The following ATP7A variants were observed in gnomAD, a reference collection of about 807,000 sequenced individuals.
ATP7A encodes the protein copper-transporting ATPase 1.
ATP7A carries 7 observed loss-of-function variants against 83.5 expected under a neutral mutation model. That is an observed-to-expected ratio of 0.08 (90% CI 0.05 to 0.16). ATP7A has a LOEUF of 0.16. Ranked by LOEUF, ATP7A falls within the 10% of genes least tolerant of loss-of-function variation. The pLI is 1.00. For synonymous variants in ATP7A, 354 were observed against 395.2 expected (o/e 0.90, Z 1.24); for missense variants, 940 against 1,120.8 (o/e 0.84, Z 2.30).
rs781968399 is a variant in ATP7A, at chrX:78,031,404, A to T, written c.3116A>T (p.Lys1039Met). 1 of 1,208,811 alleles carries T rather than the reference A, an allele frequency of 8.3e-7. No homozygotes were observed. Among genetic ancestry groups the T allele is most frequent in the Non-Finnish European group, 1.1e-6 (1 of 892,815 alleles). The change falls in exon 16 of 23, where the codon AAG (lysine) becomes ATG (methionine). Residue 1039 changes from lysine to methionine, a missense_variant. Transcript: ENST00000341514. ...TGTATCTTAATTTTTTTACAGGTAA[A>T]GGTAGTGGTATTTGATAAGACTGGA... is the stretch of plus-strand genomic sequence containing the variant. ...GEPLEMAHKV[K>M]VVVFDKTGTI...
Position 77,989,495 on chromosome X carries a change from T to C in ATP7A, c.873T>C (p.Cys291=). 1 of 1,211,722 alleles carries C rather than the reference T, an allele frequency of 8.3e-7. No individual in the cohort carries two copies. The highest frequency in any genetic ancestry group is 1.1e-6 in the Non-Finnish European group (1 of 895,284). ...TTGATGGCATGCATTGTAAATCATG[T>C]GTGTCAAATATTGAAAGTACTTTAT... The part of the protein sequence containing the change: ...FIIDGMHCKS[C]VSNIESTLSA... The change falls in exon 4 of 23, where the codon TGT becomes TGC. Residue 291 remains cysteine, a synonymous_variant. Transcript: ENST00000341514.
At chrX:78,023,820 T>A (rs1190770069) in intron 14 of ATP7A, among the ~76,000 whole-genome samples, 1 of 112,021 alleles carries the variant, frequency 8.9e-6, no homozygotes, top group East Asian at 2.8e-4. Flanking sequence ...CCTTTATTAA[T>A]TTTTGGTTTT....
intron 1 of ATP7A, among the ~76,000 whole-genome samples, chrX:77,931,009 C>CTTTTTTTTTTTTTTTTTTTTTTTTT (rs11379657): frequency 2.1e-4 from 14 of 67,248 alleles, no homozygotes; most frequent in Non-Finnish European, 2.4e-4. Flanking sequence ...TTTTTTTTAC[C>CTTTTTTTTTTTTTTTTTTTTTTTTT]TTTTTTTTTA....
Position 78,049,449 on chromosome X carries a change from A to G in ATP7A, c.*2879A>G, listed in dbSNP as rs1489688745. On this transcript the variant is annotated 3_prime_UTR_variant, in exon 23 of 23. Transcript: ENST00000341514. ...GTCTGAAGATAACAAGGATACTTTA[A>G]TATCCAGTGCCGGTTCAGACTCACC... The G allele has an allele frequency of 8.9e-6, 1 of 112,670 alleles. No individual in the cohort carries two copies. The highest frequency in any genetic ancestry group is 1.9e-5 in the Non-Finnish European group (1 of 53,232). The allele number at this position is 112,670 out of a possible 1,213,427, so 9.3% of individuals were successfully genotyped here.
intron 13 of ATP7A, 67 bp from the exon 14 acceptor site, chrX:78,020,878 C>A: frequency 9.6e-7 from 1 of 1,047,117 alleles, no homozygotes; most frequent in Non-Finnish European, 1.3e-6. Context: ...ATATACTCTG[C>A]ATTCAGTATC....
At chrX:77,923,467 T>C (rs2077225691) in intron 1 of ATP7A, 1 of 111,757 alleles carries the variant, frequency 8.9e-6, no homozygotes, top group African/African-American at 3.2e-5. Context: ...TGTGTACATG[T>C]TGAGAAAACT....
At chrX:77,950,344 A>G (rs1557226670) in intron 1 of ATP7A, among the ~76,000 whole-genome samples, 1 of 111,640 alleles carries the variant, frequency 9.0e-6, no homozygotes, top group Non-Finnish European at 1.9e-5. Flanking sequence ...TATTTCTAAG[A>G]CGCTTGCGGT....
intron 1 of ATP7A, among the ~76,000 whole-genome samples, chrX:77,966,548 G>T (rs1399964641): frequency 1.8e-5 from 2 of 111,944 alleles, no homozygotes; most frequent in Admixed American, 1.9e-4. Flanking sequence ...GACACATATT[G>T]AATGAATCAA....
intron 1 of ATP7A, among the ~76,000 whole-genome samples, chrX:77,955,108 C>A (rs782653114): frequency 1.8e-5 from 2 of 110,474 alleles, no homozygotes; most frequent in Non-Finnish European, 3.8e-5. Context: ...TCTCAAGTCA[C>A]TCCTCTCCCC....
chrX:78,010,089 C>T (rs190216599), intron 7 of ATP7A, among the ~76,000 whole-genome samples: 159 of 112,306 alleles, frequency 1.4e-3, no homozygotes, highest in African/African-American at 5.0e-3. Context: ...AGTTAAGATC[C>T]TATTTGTATA....
intron 1 of ATP7A, chrX:77,964,898 A>G (rs782288432): frequency 2.7e-5 from 3 of 112,718 alleles, no homozygotes; most frequent in Admixed American, 9.4e-5. Flanking sequence ...GTGTCTTTAT[A>G]GTAGAATGAT....
chrX:78,043,326 C>T lies in ATP7A; in HGVS notation c.4015C>T (p.Leu1339=). ...ATATTTCTGTTCTTAGAATGATCTT[C>T]TGGATGTAGTGGCAAGTATTGACTT... ...ADVVLIRNDL[L]DVVASIDLSR... is the part of the protein sequence containing the mutation. The change falls in exon 21 of 23, where the codon CTG becomes TTG. Residue 1339 remains leucine, a synonymous_variant. Coordinates refer to ENST00000341514, the MANE Select transcript of ATP7A (RefSeq NM_000052.7). 1 of 1,189,971 alleles carries T rather than the reference C, an allele frequency of 8.4e-7. No individual in the cohort carries two copies. The highest frequency in any genetic ancestry group is 1.8e-5 in the South Asian group (1 of 56,512).
intron 2 of ATP7A, among the ~76,000 whole-genome samples, chrX:77,983,214 A>T (rs782172850): frequency 8.9e-6 from 1 of 112,344 alleles, no homozygotes; most frequent in African/African-American, 3.2e-5. Flanking sequence ...TACAGAAGAG[A>T]AAACATGTAC....
intron 1 of ATP7A, among the ~76,000 whole-genome samples, chrX:77,945,188 G>A (rs1331988820): frequency 1.9e-5 from 2 of 106,345 alleles, no homozygotes; most frequent in Non-Finnish European, 3.9e-5. Flanking sequence ...GTTTTGTTTT[G>A]TTTTATTGAG....
At chrX:77,948,275 C>T (rs1453672844) in intron 1 of ATP7A, among the ~76,000 whole-genome samples, 1 of 108,704 alleles carries the variant, frequency 9.2e-6, no homozygotes, top group Non-Finnish European at 1.9e-5. Flanking sequence ...CTACAGGCGC[C>T]CATCACTACG....
chrX:77,966,336 G>A (rs1290705067), intron 1 of ATP7A, among the ~76,000 whole-genome samples: 2 of 111,794 alleles, frequency 1.8e-5, no homozygotes, highest in Non-Finnish European at 3.8e-5. Context: ...GTAAATATTC[G>A]TAAGTTTGAA....
intron 1 of ATP7A, among the ~76,000 whole-genome samples, chrX:77,952,015 T>G (rs1391485879): frequency 5.3e-5 from 6 of 112,320 alleles, no homozygotes; most frequent in African/African-American, 1.9e-4. Context: ...CTCCAAGTTT[T>G]TTTATGAATA....
At chrX:78,041,593 T>TA (rs782698239) in intron 19 of ATP7A, among the ~76,000 whole-genome samples, 1 of 110,614 alleles carries the variant, frequency 9.0e-6, no homozygotes, top group South Asian at 3.8e-4. Flanking sequence ...CCTTCTTATG[T>TA]AAAAAATACA....
intron 2 of ATP7A, among the ~76,000 whole-genome samples, chrX:77,987,694 A>G (rs2077646450): frequency 9.0e-6 from 1 of 111,457 alleles, no homozygotes; most frequent in South Asian, 3.7e-4. Context: ...ATAAAATCCT[A>G]TGAATACTGC....
Sources: allele counts gnomAD v4.1 joint callset (sites outside exome capture counted in the v4.1 genomes callset), GRCh38; gene constraint gnomAD v4.1.1; transcripts MANE v1.5; gene names NCBI Gene and HGNC (gene_info 2026-07-23, HGNC 2026-07-21).